The following RELN variants were observed in gnomAD, a reference collection of about 807,000 sequenced individuals.
RELN encodes the protein reelin.
In RELN, 108 loss-of-function variants were observed where a neutral mutation model predicts 427.6. The observed-to-expected ratio is 0.25, with a 90% CI of 0.22 to 0.30. The LOEUF (loss-of-function observed/expected upper bound fraction) is 0.30, where lower values mean the gene tolerates loss of function less well. Ranked by LOEUF, RELN falls within the 10% of genes least tolerant of loss-of-function variation. RELN has a pLI of 1.00. For missense variants in RELN, 3,715 were observed against 4,302.8 expected (o/e 0.86, Z 3.82); for synonymous variants, 1,524 against 1,513.4 (o/e 1.01, Z -0.16).
At chr7:103,860,527 G>A (rs781067363) in intron 2 of RELN, among the ~76,000 whole-genome samples, 1 of 152,042 alleles carries the variant, frequency 6.6e-6, no homozygotes. Context: ...GTTTATTGAT[G>A]CTTACTATAT....
At position 103,764,062 on chromosome 7, in the gene RELN, C is replaced by G. The variant is rs149168185; in HGVS notation, c.545-10848G>C. ...ACTGGGGTGATGATGAAGATGCTAA[C>G]CAGAACTGCAATAGAGGGGTACAGA... On this transcript the variant is annotated intron_variant, in intron 4 of 64. Transcript: ENST00000428762. Among the ~76,000 whole-genome samples, 202 of 152,214 alleles carry G rather than the reference C, an allele frequency of 1.3e-3. 1 individual carries two copies. Among genetic ancestry groups the G allele is most frequent in the Non-Finnish European group, 2.2e-3 (147 of 68,000 alleles).
intron 8 of RELN, among the ~76,000 whole-genome samples, chr7:103,711,962 T>C (rs3819452): frequency 0.27 from 41,557 of 152,036 alleles, 5,819 homozygotes; most frequent in South Asian, 0.38. Context: ...GCTGACCTGC[T>C]ATTCATTTTT....
chr7:103,519,407 C>T lies in RELN; in HGVS notation c.7778G>A (p.Gly2593Asp). ...CLITPNNRNQ[G>D]VLLEYSVNGG... ...ATTGACAGAATATTCCAAGAGAACACCTTGGTTACGGTTGTTTGGTGTAAT... is the reference window on the plus strand; with the variant it reads ...ATTGACAGAATATTCCAAGAGAACATCTTGGTTACGGTTGTTTGGTGTAAT... Residue 2593 changes from glycine (G) to aspartate (D), a missense_variant, in exon 49 of 65, where the codon GGT becomes GAT. Physicochemically the swap from Gly to Asp is moderately conservative, Grantham distance 94. This residue lies in a region of RELN where 1,310 missense variants were observed against 1,643.0 expected (regional missense o/e 0.80). Transcript: ENST00000428762. 1 of 1,613,310 alleles carries T rather than the reference C, an allele frequency of 6.2e-7. No individual in the cohort carries two copies. Among genetic ancestry groups the T allele is most frequent in the East Asian group, 2.2e-5 (1 of 44,880 alleles).
At position 103,496,677 on chromosome 7, in the gene RELN, G is replaced by T. The variant is rs976203902; in HGVS notation, c.9042C>A (p.Thr3014=). The T allele has an allele frequency of 6.2e-7, 1 of 1,614,152 alleles. No individual in the cohort carries two copies. Among genetic ancestry groups the T allele is most frequent in the South Asian group, 1.1e-5 (1 of 91,078 alleles). The change falls in exon 56 of 65, where the codon ACC becomes ACA. Residue 3014 remains threonine, a synonymous_variant. Coordinates refer to ENST00000428762, the MANE Select transcript of RELN (RefSeq NM_005045.4). The stretch of plus-strand genomic sequence containing the variant: ...GCCACCAGCGAAGTCGAGTTGTGTT[G>T]GTGAGGGCATCTTCAGGAAGAAGTA... ...DYILLPEDAL[T]NTTRLRWWQP... is the part of the protein sequence containing the mutation.
intron 49 of RELN, among the ~76,000 whole-genome samples, chr7:103,517,317 T>C (rs1829591460): frequency 6.6e-6 from 1 of 152,136 alleles, no homozygotes; most frequent in Non-Finnish European, 1.5e-5. Context: ...GCAATGATCT[T>C]TTATCTCTAT....
intron 64 of RELN, among the ~76,000 whole-genome samples, chr7:103,476,297 A>G (rs1412651631): frequency 6.6e-6 from 1 of 152,068 alleles, no homozygotes; most frequent in Non-Finnish European, 1.5e-5. Flanking sequence ...CCCCATCTCT[A>G]CTAAAAATAC....
rs1389315544 is a variant in RELN, at chr7:103,561,962, A to AC, written c.5211-10_5211-9insG. 1.1e-6 allele frequency: 1 copy of AC among 921,726 alleles called. No homozygotes were observed. The highest frequency in any genetic ancestry group is 1.5e-6 in the Non-Finnish European group (1 of 651,610). The allele number at this position is 921,726 out of a possible 1,614,324, so 57.1% of individuals were successfully genotyped here. A position where few individuals can be genotyped will look rare whatever the true frequency, so the allele number is the denominator to read the frequency against. On this transcript the variant is annotated splice_polypyrimidine_tract_variant and intron_variant, in intron 34 of 64. Transcript: ENST00000428762. ...ACCGGGTCCTGGGAGAACTAACCAA[A>AC]AAAAAAAAAAAAAAAACACACCACT... is the stretch of plus-strand genomic sequence containing the variant.
rs182326794 is a variant in RELN, at chr7:103,535,278, C to T, written c.7349+38G>A. ...TGTTATCACATTTGGGCTCACTATA[C>T]GTAGAAGCATGTGGTGAACATGTAG... On this transcript the variant is annotated intron_variant, in intron 46 of 64. Coordinates refer to ENST00000428762, the MANE Select transcript of RELN (RefSeq NM_005045.4). The T allele has an allele frequency of 3.5e-3, 5,566 of 1,602,792 alleles. 22 individuals are homozygous for T. The highest frequency in any genetic ancestry group is 4.2e-3 in the Non-Finnish European group (4,935 of 1,169,968).
intron 2 of RELN, among the ~76,000 whole-genome samples, chr7:103,892,933 C>A (rs1794881403): frequency 6.6e-6 from 1 of 151,982 alleles, no homozygotes; most frequent in Non-Finnish European, 1.5e-5. Flanking sequence ...CCAAAGGGGT[C>A]TTTAGTTCTG....
In RELN at chr7:103,753,326, T is replaced by C. The variant is rs13236934; in HGVS notation, c.545-112A>G. On this transcript the variant is annotated intron_variant, in intron 4 of 64. Coordinates refer to ENST00000428762, the MANE Select transcript of RELN (RefSeq NM_005045.4). Reference sequence around the variant, plus strand: ...CTTAAGTCACATTAAGCAAATCAAATGGCTACAGACTTTTTAGTCTTTTTA... The same window carrying C: ...CTTAAGTCACATTAAGCAAATCAAACGGCTACAGACTTTTTAGTCTTTTTA... 0.037 allele frequency: 39,517 copies of C among 1,058,392 alleles called. 921 individuals are homozygous for C. Among genetic ancestry groups the C allele is most frequent in the Non-Finnish European group, 0.047 (32,102 of 685,612 alleles). The allele number at this position is 1,058,392 out of a possible 1,614,324, so 65.6% of individuals were successfully genotyped here. A position where few individuals can be genotyped will look rare whatever the true frequency, so the allele number is the denominator to read the frequency against.
chr7:103,806,707 A>G (rs1272196491), intron 3 of RELN, among the ~76,000 whole-genome samples: 2 of 152,198 alleles, frequency 1.3e-5, no homozygotes, highest in East Asian at 3.8e-4. Flanking sequence ...GTAACCATCA[A>G]GAGAATCCGA....
intron 50 of RELN, among the ~76,000 whole-genome samples, chr7:103,514,772 T>C (rs528821481): frequency 1.3e-5 from 2 of 152,262 alleles, no homozygotes; most frequent in East Asian, 1.9e-4. Context: ...AGACATGAAA[T>C]GCCATTACAA....
At chr7:103,911,633 A>G (rs1409489786) in intron 2 of RELN, among the ~76,000 whole-genome samples, 1 of 151,044 alleles carries the variant, frequency 6.6e-6, no homozygotes, top group African/African-American at 2.4e-5. Context: ...GACTGGATTA[A>G]GAAAATGTGG....
At chr7:103,594,686 T>C (rs1831498040) in intron 25 of RELN, among the ~76,000 whole-genome samples, 194 bp from the exon 26 acceptor site, 1 of 152,206 alleles carries the variant, frequency 6.6e-6, no homozygotes, top group Admixed American at 6.5e-5. Context: ...CCTGGTCATG[T>C]TTATTTCATT....
intron 28 of RELN, among the ~76,000 whole-genome samples, chr7:103,578,640 A>C (rs923150361): frequency 7.2e-5 from 11 of 152,214 alleles, no homozygotes; most frequent in Non-Finnish European, 4.4e-5. Context: ...GGGATTGAAC[A>C]CAATTGATTT....
At chr7:103,773,177 TCC>T (rs1338343374) in intron 4 of RELN, among the ~76,000 whole-genome samples, 23 of 137,070 alleles carry the variant, frequency 1.7e-4, no homozygotes, top group African/African-American at 5.6e-4. Context: ...TTTCTTTCTT[TCC>T]TTCTTTCTTT....
chr7:103,876,325 G>A (rs1027354189), intron 2 of RELN, among the ~76,000 whole-genome samples: 2 of 152,118 alleles, frequency 1.3e-5, no homozygotes, highest in Non-Finnish European at 2.9e-5. Flanking sequence ...GCTCACACAA[G>A]ATAAAGATAT....
At chr7:103,618,854 TG>T (rs1832145156) in intron 20 of RELN, among the ~76,000 whole-genome samples, 1 of 152,206 alleles carries the variant, frequency 6.6e-6, no homozygotes, top group African/African-American at 2.4e-5. Flanking sequence ...GGCTCACACC[TG>T]TAATCCCAGC....
In RELN at chr7:103,726,854, C is replaced by T. The variant is rs76778669; in HGVS notation, c.753+1257G>A. 9.7e-3 allele frequency among the ~76,000 whole-genome samples: 1,477 copies of T among 152,130 alleles called. 27 individuals are homozygous for T. Among genetic ancestry groups the T allele is most frequent in the African/African-American group, 0.033 (1,389 of 41,516 alleles). ...TCTATTTTTTCAAGAAAATCTTCACCACCAGAGTCATACTTGTCTGCAGGA... is the reference window on the plus strand; with the variant it reads ...TCTATTTTTTCAAGAAAATCTTCACTACCAGAGTCATACTTGTCTGCAGGA... On this transcript the variant is annotated intron_variant, in intron 7 of 64. Coordinates refer to ENST00000428762, the MANE Select transcript of RELN (RefSeq NM_005045.4).
Sources: allele counts gnomAD v4.1 joint callset (sites outside exome capture counted in the v4.1 genomes callset), GRCh38; gene constraint gnomAD v4.1.1; regional missense constraint gnomAD v4.1.1; transcripts MANE v1.5; gene names NCBI Gene and HGNC (gene_info 2026-07-23, HGNC 2026-07-21).